Variants in CCDC3 observed in about 807,000 individuals in gnomAD.
The protein encoded by CCDC3 is coiled-coil domain-containing protein 3.
In CCDC3, 24 loss-of-function variants were observed where a neutral mutation model predicts 21.4. The observed-to-expected ratio is 1.12, with a 90% CI of 0.81 to 1.58. CCDC3 has a LOEUF of 1.58. Among genes scored for constraint, CCDC3 ranks in the 40% most tolerant of loss-of-function variants. The pLI, the probability that CCDC3 is intolerant of heterozygous loss-of-function variation, is 0.00. For missense variants in CCDC3, 425 were observed against 360.9 expected, an observed-to-expected ratio of 1.18 and a Z score of -1.44; for synonymous variants, 186 against 166.0, an observed-to-expected ratio of 1.12 and a Z score of -0.93.
At chr10:12,920,374 G>T (rs1167902053) in intron 2 of CCDC3, among the ~76,000 whole-genome samples, 1 of 152,304 alleles carries the variant, frequency 6.6e-6, no homozygotes, top group African/African-American at 2.4e-5. Context: ...TACAATTCAA[G>T]ATGAGATTTG....
chr10:12,975,428 G>C (rs374231759), intron 2 of CCDC3, among the ~76,000 whole-genome samples: 1 of 152,158 alleles, frequency 6.6e-6, no homozygotes, highest in South Asian at 2.1e-4. Context: ...AAAGGAGTAA[G>C]AACAAGATCA....
At chr10:12,958,658 C>T (rs1052008767) in intron 2 of CCDC3, among the ~76,000 whole-genome samples, 3 of 152,194 alleles carry the variant, frequency 2.0e-5, no homozygotes, top group African/African-American at 7.2e-5. Flanking sequence ...ACATAGCTGA[C>T]AGGACCAGGC....
At chr10:13,087,426 C>A (rs1837124958) in intron 3 of CCDC3, among the ~76,000 whole-genome samples, 1 of 149,216 alleles carries the variant, frequency 6.7e-6, no homozygotes, top group African/African-American at 2.4e-5. Context: ...AAAAATGGTG[C>A]TAGGAACAGT....
intron 5 of CCDC3, among the ~76,000 whole-genome samples, chr10:13,010,041 A>G (rs1564318791): frequency 6.6e-6 from 1 of 152,220 alleles, no homozygotes; most frequent in Non-Finnish European, 1.5e-5. Flanking sequence ...TGAGGTCAGG[A>G]GTTCGAGACC....
intron 4 of CCDC3, among the ~76,000 whole-genome samples, chr10:13,061,082 G>C (rs994743749): frequency 6.6e-6 from 1 of 152,178 alleles, no homozygotes; most frequent in African/African-American, 2.4e-5. Flanking sequence ...CTGTAAAACA[G>C]TTTTAATAAT....
intron 2 of CCDC3, among the ~76,000 whole-genome samples, chr10:12,940,313 A>T (rs1834807939): frequency 1.5e-5 from 1 of 68,822 alleles, no homozygotes; most frequent in African/African-American, 6.5e-5. Flanking sequence ...GGGAAGTGAG[A>T]TGTTGGCATG....
At chr10:12,917,855 C>T (rs999808839) in intron 2 of CCDC3, among the ~76,000 whole-genome samples, 3 of 152,112 alleles carry the variant, frequency 2.0e-5, no homozygotes, top group Non-Finnish European at 2.9e-5. Flanking sequence ...TGATGTGCCA[C>T]GTTTTTCTTT....
chr10:12,936,944 A>T (rs1033871814), intron 2 of CCDC3, among the ~76,000 whole-genome samples: 1 of 152,180 alleles, frequency 6.6e-6, no homozygotes, highest in Non-Finnish European at 1.5e-5. Flanking sequence ...AGAAATAAAA[A>T]ACACAAGGCT....
intron 2 of CCDC3, among the ~76,000 whole-genome samples, chr10:12,985,503 T>C (rs1029191204): frequency 6.6e-6 from 1 of 152,202 alleles, no homozygotes; most frequent in Non-Finnish European, 1.5e-5. Context: ...TTATTCGTAA[T>C]AGCTAAAAAC....
At chr10:12,990,591 T>G (rs1367151183) in intron 2 of CCDC3, among the ~76,000 whole-genome samples, 1 of 152,246 alleles carries the variant, frequency 6.6e-6, no homozygotes, top group African/African-American at 2.4e-5. Flanking sequence ...TGCCAGTGAC[T>G]GGGTGTGAGC....
intron 2 of CCDC3, among the ~76,000 whole-genome samples, chr10:12,960,465 T>G (rs568992422): frequency 1.1e-4 from 16 of 152,278 alleles, no homozygotes; most frequent in African/African-American, 3.8e-4. Context: ...CTTATCTGCC[T>G]GTTGGCCACA....
At chr10:12,920,179 AAGGCACGTCTTACATGGCGGC>A (rs1283309679) in intron 2 of CCDC3, among the ~76,000 whole-genome samples, 2 of 152,172 alleles carry the variant, frequency 1.3e-5, no homozygotes, top group Non-Finnish European at 2.9e-5. Context: ...TGGAAGGTGA[AAGGCACGTCTTACATGGCGGC>A]AGGCACGAGA....
At position 13,033,276 on chromosome 10, in the gene CCDC3, C is replaced by G. The variant is rs377520675; in HGVS notation, c.-2+16398G>C. 3.0e-4 allele frequency among the ~76,000 whole-genome samples: 46 copies of G among 152,296 alleles called. No homozygotes were observed. The East Asian group carries it at 8.9e-3, about 29-fold the overall frequency. ...TATTTAATAAATGGTGCTGGGAAAA[C>G]TGGCTAGCCATATGTAGAAAGCTGA... On this transcript the variant is annotated intron_variant, in intron 5 of 6. Coordinates refer to the CCDC3 transcript ENST00000378839.
At chr10:13,052,984 A>T (rs1442489489) in intron 4 of CCDC3, among the ~76,000 whole-genome samples, 2 of 82,342 alleles carry the variant, frequency 2.4e-5, no homozygotes, top group East Asian at 5.4e-4. Flanking sequence ...ACACACACAC[A>T]CATACACACA....
chr10:12,980,580 T>C (rs1171264009), intron 2 of CCDC3, among the ~76,000 whole-genome samples: 1 of 152,014 alleles, frequency 6.6e-6, no homozygotes, highest in African/African-American at 2.4e-5. Context: ...GCAAAGATAA[T>C]GTCTTCTTCC....
intron 2 of CCDC3, among the ~76,000 whole-genome samples, chr10:12,959,219 G>A (rs549192925): frequency 1.3e-5 from 2 of 152,016 alleles, no homozygotes; most frequent in African/African-American, 4.8e-5. Context: ...CCAGGCTGGA[G>A]TGTAGTGATG....
rs532685964 is a variant in CCDC3, at chr10:13,072,205, C to G, written c.-270+1663G>C. Among the ~76,000 whole-genome samples, 12 of 152,194 alleles carry G rather than the reference C, an allele frequency of 7.9e-5. No homozygotes were observed. In the South Asian group the frequency reaches 2.3e-3, roughly 29 times the overall value. On this transcript the variant is annotated intron_variant, in intron 4 of 6. Coordinates refer to the CCDC3 transcript ENST00000378839. ...TTGTCTATTCTCGCCTTCAGGCTATCAAACTCCAAATGATCATGCAACCAG... is the reference window on the plus strand; with the variant it reads ...TTGTCTATTCTCGCCTTCAGGCTATGAAACTCCAAATGATCATGCAACCAG...
At chr10:12,962,057 G>A (rs1172948189) in intron 2 of CCDC3, among the ~76,000 whole-genome samples, 1 of 152,144 alleles carries the variant, frequency 6.6e-6, no homozygotes, top group Non-Finnish European at 1.5e-5. Flanking sequence ...TTGAAAGTAA[G>A]TTTGATAAAA....
intron 2 of CCDC3, among the ~76,000 whole-genome samples, chr10:12,936,398 C>T (rs1321106641): frequency 6.6e-6 from 1 of 152,040 alleles, no homozygotes; most frequent in Non-Finnish European, 1.5e-5. Flanking sequence ...CACTCTGTTG[C>T]CCAGGCTGGA....
Sources: allele counts gnomAD v4.1 joint callset (sites outside exome capture counted in the v4.1 genomes callset), GRCh38; gene constraint gnomAD v4.1.1; transcripts MANE v1.5; gene names NCBI Gene and HGNC (gene_info 2026-07-23, HGNC 2026-07-21).